The following NR6A1 variants were observed in gnomAD, a reference collection of about 807,000 sequenced individuals.
The protein encoded by NR6A1 is retinoic acid receptor-related testis-associated receptor.
Under a neutral mutation model 59.1 loss-of-function variants are expected in NR6A1, and 7 were observed. The ratio of observed to expected loss-of-function variants is 0.12; its 90% CI spans 0.07 to 0.22. NR6A1 has a LOEUF of 0.22. Among genes scored for constraint, NR6A1 ranks in the 10% least tolerant of loss-of-function variants. NR6A1 has a pLI of 1.00. For missense variants in NR6A1, 468 were observed against 611.6 expected (o/e 0.77, Z 2.48); for synonymous variants, 243 against 236.1 (o/e 1.03, Z -0.27).
intron 2 of NR6A1, among the ~76,000 whole-genome samples, chr9:124,628,879 C>G (rs1039021384): frequency 6.6e-6 from 1 of 151,916 alleles, no homozygotes; most frequent in African/African-American, 2.4e-5. Context: ...AGGCTGGTCT[C>G]GAACTCCCGA....
At chr9:124,637,004 AACTAATGT>A (rs900708150) in intron 2 of NR6A1, among the ~76,000 whole-genome samples, 1 of 152,202 alleles carries the variant, frequency 6.6e-6, no homozygotes, top group African/African-American at 2.4e-5. Flanking sequence ...TCAGGAAATA[AACTAATGT>A]ACTTACTACA....
At chr9:124,617,128 T>C (rs2130853584) in intron 2 of NR6A1, among the ~76,000 whole-genome samples, 1 of 152,338 alleles carries the variant, frequency 6.6e-6, no homozygotes, top group Non-Finnish European at 1.5e-5. Flanking sequence ...ACTTTTAGAC[T>C]TCACCCAGTC....
At chr9:124,767,620 C>T (rs1840976255) in intron 1 of NR6A1, among the ~76,000 whole-genome samples, 1 of 151,322 alleles carries the variant, frequency 6.6e-6, no homozygotes, top group Non-Finnish European at 1.5e-5. Context: ...GGAAAAAATT[C>T]TGGGGCAACT....
rs113825992 is a variant in NR6A1, at chr9:124,635,409, C to T, written c.143-80839G>A. ...CTCGTGAGGGTGAATTAGTTTCTCA[C>T]GAGATCTGATGATTCTATAAGGGGC... On this transcript the variant is annotated intron_variant, in intron 2 of 9. Coordinates refer to ENST00000487099, the MANE Select transcript of NR6A1 (RefSeq NM_033334.4). 8.2e-3 allele frequency among the ~76,000 whole-genome samples: 1,250 copies of T among 152,312 alleles called. 16 individuals carry two copies. The highest frequency in any genetic ancestry group is 0.029 in the African/African-American group (1,193 of 41,566).
At chr9:124,622,963 T>C (rs1257952891) in intron 2 of NR6A1, among the ~76,000 whole-genome samples, 1 of 152,146 alleles carries the variant, frequency 6.6e-6, no homozygotes, top group African/African-American at 2.4e-5. Flanking sequence ...AGACTCACAA[T>C]GTAATAAAAC....
chr9:124,726,500 T>C (rs1052766024), intron 2 of NR6A1, among the ~76,000 whole-genome samples: 3 of 152,236 alleles, frequency 2.0e-5, no homozygotes, highest in Non-Finnish European at 2.9e-5. Context: ...GATTGCTTCT[T>C]AGTGAAAAGC....
chr9:124,599,475 G>T, intron 2 of NR6A1: 1 of 463,202 alleles, frequency 2.2e-6, no homozygotes, highest in Non-Finnish European at 4.2e-6. Flanking sequence ...AAAATTTCTT[G>T]CTCAGGAAGA....
At chr9:124,691,035 A>AT (rs569947670) in intron 2 of NR6A1, among the ~76,000 whole-genome samples, 1 of 152,068 alleles carries the variant, frequency 6.6e-6, no homozygotes, top group Admixed American at 6.6e-5. Flanking sequence ...CAAAATCAGT[A>AT]TTTTTTTTAA....
chr9:124,604,715 T>C (rs931675296), intron 2 of NR6A1, among the ~76,000 whole-genome samples: 4 of 151,904 alleles, frequency 2.6e-5, no homozygotes, highest in Admixed American at 2.6e-4. Flanking sequence ...GAGGCTGAGA[T>C]GGGAGGATTG....
At chr9:124,668,188 A>G (rs777175844) in intron 2 of NR6A1, among the ~76,000 whole-genome samples, 2 of 152,228 alleles carry the variant, frequency 1.3e-5, no homozygotes, top group Non-Finnish European at 2.9e-5. Context: ...AATGTTATTA[A>G]GAAAATCATA....
intron 2 of NR6A1, among the ~76,000 whole-genome samples, chr9:124,711,188 A>T (rs981476733): frequency 1.5e-4 from 13 of 88,260 alleles, no homozygotes; most frequent in African/African-American, 7.2e-4. Flanking sequence ...GCTAAGGTTT[A>T]AAAAAAAAAA....
intron 2 of NR6A1, among the ~76,000 whole-genome samples, chr9:124,570,236 C>CT (rs1834401008): frequency 6.6e-6 from 1 of 152,112 alleles, no homozygotes; most frequent in African/African-American, 2.4e-5. Context: ...GTGACCATAC[C>CT]TTTCCCCTTT....
At chr9:124,711,094 A>G (rs1423558084) in intron 2 of NR6A1, among the ~76,000 whole-genome samples, 2 of 151,536 alleles carry the variant, frequency 1.3e-5, no homozygotes, top group African/African-American at 4.9e-5. Context: ...GCCTATTTGT[A>G]CATAATAGTC....
chr9:124,611,368 C>T (rs892975305), intron 2 of NR6A1, among the ~76,000 whole-genome samples: 3 of 152,078 alleles, frequency 2.0e-5, no homozygotes, highest in Non-Finnish European at 4.4e-5. Flanking sequence ...AGAGTGCTTG[C>T]TCAGACATCC....
At chr9:124,608,385 A>G (rs1835635979) in intron 2 of NR6A1, among the ~76,000 whole-genome samples, 1 of 152,034 alleles carries the variant, frequency 6.6e-6, no homozygotes, top group African/African-American at 2.4e-5. Flanking sequence ...AAATGAGAAC[A>G]TGCAGTGTTT....
intron 2 of NR6A1, among the ~76,000 whole-genome samples, chr9:124,729,130 T>C (rs180680038): frequency 2.6e-5 from 4 of 152,318 alleles, no homozygotes; most frequent in Non-Finnish European, 4.4e-5. Flanking sequence ...TCTATTTTAG[T>C]GATGGATCGT....
chr9:124,568,494 AC>A (rs900798827), intron 2 of NR6A1, among the ~76,000 whole-genome samples: 2 of 151,868 alleles, frequency 1.3e-5, no homozygotes, highest in East Asian at 1.9e-4. Flanking sequence ...AAAAAAAAAA[AC>A]AAAAGAAACA....
chr9:124,542,051 A>G (rs1833463030), intron 4 of NR6A1, among the ~76,000 whole-genome samples: 1 of 152,228 alleles, frequency 6.6e-6, no homozygotes, highest in South Asian at 2.1e-4. Context: ...TAATGAGTAT[A>G]GTGTTTCAGT....
chr9:124,690,082 T>G (rs1838478914), intron 2 of NR6A1, among the ~76,000 whole-genome samples: 1 of 152,184 alleles, frequency 6.6e-6, no homozygotes, highest in African/African-American at 2.4e-5. Context: ...CTTCATAACT[T>G]AAGAATTTAT....
Sources: gnomAD v4.1 joint callset for allele counts (sites outside exome capture counted in the v4.1 genomes callset) on GRCh38, gnomAD v4.1.1 for gene constraint, MANE v1.5 for transcripts, NCBI Gene and HGNC (gene_info 2026-07-23, HGNC 2026-07-21) for gene names.